ATF7IP2: variants seen among roughly 807,000 people sequenced by gnomAD.
ATF7IP2 encodes the protein activating transcription factor 7-interacting protein 2.
A neutral mutation model predicts 64.2 loss-of-function variants in ATF7IP2; 42 were observed. That is an observed-to-expected ratio of 0.65 (90% CI 0.51 to 0.85). ATF7IP2 has a LOEUF of 0.85. Ranked by LOEUF, ATF7IP2 falls within the 40% of genes least tolerant of loss-of-function variation. ATF7IP2 has a pLI of 0.00. For synonymous variants in ATF7IP2, 308 were observed against 272.8 expected, an observed-to-expected ratio of 1.13 and a Z score of -1.27; for missense variants, 933 against 784.2, an observed-to-expected ratio of 1.19 and a Z score of -2.27.
intron 8 of ATF7IP2, among the ~76,000 whole-genome samples, chr16:10,445,073 T>G (rs1167561057): frequency 6.6e-6 from 1 of 152,210 alleles, no homozygotes; most frequent in Non-Finnish European, 1.5e-5. Flanking sequence ...CTTATTAGTT[T>G]TCTTACGTAT....
At position 10,433,164 on chromosome 16, in the gene ATF7IP2, A is replaced by G. The variant is rs150189335; in HGVS notation, c.836-361A>G. 1.3e-3 allele frequency among the ~76,000 whole-genome samples: 195 copies of G among 152,220 alleles called. 1 individual carries two copies. The highest frequency in any genetic ancestry group is 2.4e-3 in the Non-Finnish European group (166 of 68,014). ...TTTGCTCAGAGGGTCTCTAAATTAG[A>G]GAATTCCTATTTCCTTCTCTTTTTT... On this transcript the variant is annotated intron_variant, in intron 5 of 13. Transcript: ENST00000562102.
rs1418259429 is a variant in ATF7IP2, at chr16:10,480,969, T to C, written c.1635+5T>C. On this transcript the variant is annotated splice_donor_5th_base_variant and intron_variant, in intron 13 of 13. Coordinates refer to ENST00000562102, the MANE Select transcript of ATF7IP2 (RefSeq NM_001393719.1). ...TTGGCACAAAATGCAGTCCAGGTACTGAATCAAAGTGCTCTGTAAGGGATA... is the reference window on the plus strand; with the variant it reads ...TTGGCACAAAATGCAGTCCAGGTACCGAATCAAAGTGCTCTGTAAGGGATA... 1 of 1,578,286 alleles carries C rather than the reference T, an allele frequency of 6.3e-7. No homozygotes were observed. The highest frequency in any genetic ancestry group is 1.4e-5 in the African/African-American group (1 of 74,036).
chr16:10,425,817 T>G (rs2048074182), intron 3 of ATF7IP2, among the ~76,000 whole-genome samples: 1 of 151,408 alleles, frequency 6.6e-6, no homozygotes, highest in South Asian at 2.1e-4. Flanking sequence ...CACTTGAACC[T>G]GGGAGGCAGA....
intron 5 of ATF7IP2, among the ~76,000 whole-genome samples, chr16:10,431,988 T>G (rs997597167): frequency 2.5e-5 from 2 of 80,720 alleles, no homozygotes; most frequent in African/African-American, 1.3e-4. Flanking sequence ...TACGCCCGGC[T>G]AATTTTTTTT....
At chr16:10,469,778 AAAC>A (rs1567172868) in intron 9 of ATF7IP2, among the ~76,000 whole-genome samples, 1 of 152,168 alleles carries the variant, frequency 6.6e-6, no homozygotes, top group African/African-American at 2.4e-5. Context: ...CCGTCTCAAA[AAAC>A]AAAAAAGGAA....
At chr16:10,450,548 T>C (rs6498010) in intron 8 of ATF7IP2, among the ~76,000 whole-genome samples, 27,385 of 152,220 alleles carry the variant, frequency 0.18, 2,618 homozygotes, top group African/African-American at 0.23. Flanking sequence ...GTTTCATTGA[T>C]CCCTTTACCA....
intron 7 of ATF7IP2, among the ~76,000 whole-genome samples, chr16:10,438,927 C>T (rs1284330742): frequency 6.6e-6 from 1 of 151,668 alleles, no homozygotes; most frequent in Non-Finnish European, 1.5e-5. Context: ...GTGGCGTGTG[C>T]CTGTAGTCCC....
chr16:10,453,296 G>C (rs138917974), intron 8 of ATF7IP2, among the ~76,000 whole-genome samples: 1 of 152,266 alleles, frequency 6.6e-6, no homozygotes, highest in South Asian at 2.1e-4. Context: ...GGAGTGTACC[G>C]TTCCTCACGG....
rs2047810315 is a variant in ATF7IP2, at chr16:10,413,400, A to T, written c.-241-1174A>T. Reference sequence around the variant, plus strand: ...CTTGCCACTGCCATGTCAGAAGTGCATTTTGCCTCCCGCCATGGTTCTGAG... The same window carrying T: ...CTTGCCACTGCCATGTCAGAAGTGCTTTTTGCCTCCCGCCATGGTTCTGAG... On this transcript the variant is annotated intron_variant, in intron 1 of 13. Coordinates refer to ENST00000562102, the MANE Select transcript of ATF7IP2 (RefSeq NM_001393719.1). Among the ~76,000 whole-genome samples the T allele has an allele frequency of 1.3e-5, 2 of 152,076 alleles. 1 individual carries two copies. Among genetic ancestry groups the T allele is most frequent in the South Asian group, 4.2e-4 (2 of 4,816 alleles).
intron 1 of ATF7IP2, among the ~76,000 whole-genome samples, chr16:10,389,525 A>G (rs1038263856): frequency 2.0e-5 from 3 of 152,310 alleles, no homozygotes; most frequent in Non-Finnish European, 2.9e-5. Flanking sequence ...CTACCATCCA[A>G]TTAAAATGTT....
intron 1 of ATF7IP2, among the ~76,000 whole-genome samples, chr16:10,396,627 ATTG>A (rs2047424629): frequency 1.3e-5 from 2 of 151,764 alleles, no homozygotes; most frequent in Admixed American, 6.6e-5. Context: ...GATTGAAACA[ATTG>A]TTGTACCTCA....
At chr16:10,429,096 G>C (rs1596484136) in intron 4 of ATF7IP2, 80 bp downstream of exon 4, 1 of 152,134 alleles carries the variant, frequency 6.6e-6, no homozygotes, top group African/African-American at 2.4e-5. Context: ...AACTGTAGCA[G>C]TGTCTTCAGG....
intron 8 of ATF7IP2, among the ~76,000 whole-genome samples, chr16:10,449,979 C>T (rs894535504): frequency 1.3e-5 from 2 of 152,138 alleles, no homozygotes; most frequent in Admixed American, 1.3e-4. Flanking sequence ...TCCCTCTAAA[C>T]ACTGTTTTAA....
chr16:10,416,262 T>C (rs2047875455), intron 2 of ATF7IP2, among the ~76,000 whole-genome samples: 1 of 152,198 alleles, frequency 6.6e-6, no homozygotes, highest in South Asian at 2.1e-4. Flanking sequence ...TAGAATACTA[T>C]TCAGCCATGC....
intron 8 of ATF7IP2, among the ~76,000 whole-genome samples, chr16:10,452,054 A>G (rs1282319014): frequency 2.0e-5 from 3 of 150,060 alleles, no homozygotes; most frequent in African/African-American, 4.9e-5. Flanking sequence ...CTCCGTCCCA[A>G]AAAAAAAAAG....
At chr16:10,463,079 T>G (rs1187463558) in intron 9 of ATF7IP2, among the ~76,000 whole-genome samples, 2 of 152,244 alleles carry the variant, frequency 1.3e-5, no homozygotes, top group East Asian at 3.8e-4. Context: ...ACTAAGATTT[T>G]CAGATCTATT....
chr16:10,422,505 T>C (rs1480581824), intron 3 of ATF7IP2, among the ~76,000 whole-genome samples: 1 of 152,200 alleles, frequency 6.6e-6, no homozygotes, highest in African/African-American at 2.4e-5. Flanking sequence ...GGTTGAATAG[T>C]CCCAGGTTGT....
At chr16:10,470,560 G>T (rs2142063451) in intron 9 of ATF7IP2, among the ~76,000 whole-genome samples, 1 of 152,070 alleles carries the variant, frequency 6.6e-6, no homozygotes, top group Non-Finnish European at 1.5e-5. Context: ...AGGGCAGGAG[G>T]ATCACTTGAG....
chr16:10,388,280 C>CA (rs1295013436), intron 1 of ATF7IP2, among the ~76,000 whole-genome samples: 1 of 152,140 alleles, frequency 6.6e-6, no homozygotes, highest in Admixed American at 6.5e-5. Context: ...AACGATGGGA[C>CA]AGATTGGAGT....
Sources: allele counts gnomAD v4.1 joint callset (sites outside exome capture counted in the v4.1 genomes callset), GRCh38; gene constraint gnomAD v4.1.1; transcripts MANE v1.5; gene names NCBI Gene and HGNC (gene_info 2026-07-23, HGNC 2026-07-21).